OPCML: variants seen among roughly 807,000 people sequenced by gnomAD.
OPCML encodes opioid-binding protein/cell adhesion molecule.
Under a neutral mutation model 37.8 loss-of-function variants are expected in OPCML, and 13 were observed. The observed-to-expected ratio is 0.34, with a 90% CI of 0.22 to 0.55. The LOEUF (loss-of-function observed/expected upper bound fraction) is 0.55. Ranked by LOEUF, OPCML falls within the 20% of genes least tolerant of loss-of-function variation. The probability of loss-of-function intolerance (pLI) is 0.91; values close to 1 mark genes in which losing one functional copy is unlikely to be tolerated. For synonymous variants in OPCML, 176 were observed against 168.8 expected (o/e 1.04, Z -0.33); for missense variants, 341 against 435.6 (o/e 0.78, Z 1.93).
rs1947759331 is a variant in OPCML at position 133,035,391 on chromosome 11, A to G, written c.62-92381T>C. Among the ~76,000 whole-genome samples, 3 of 152,224 alleles carry G rather than the reference A, an allele frequency of 2.0e-5. No individual in the cohort carries two copies. The South Asian group carries it at 6.2e-4, about 32-fold the overall frequency. On this transcript the variant is annotated intron_variant, in intron 1 of 7. Transcript: ENST00000524381. ...TGCAGAGAAAGAGAAAATGGGACCTACAGGCACAGGCAGCACCTCCAAGCT... is the reference window on the plus strand; with the variant it reads ...TGCAGAGAAAGAGAAAATGGGACCTGCAGGCACAGGCAGCACCTCCAAGCT...
intron 2 of OPCML, among the ~76,000 whole-genome samples, chr11:132,873,485 T>G (rs932562757): frequency 1.3e-5 from 2 of 152,024 alleles, no homozygotes; most frequent in African/African-American, 4.8e-5. Flanking sequence ...TCCACCCTTG[T>G]TATTTGGGAT....
At chr11:133,056,219 C>T (rs927172715) in intron 1 of OPCML, among the ~76,000 whole-genome samples, 1 of 152,148 alleles carries the variant, frequency 6.6e-6, no homozygotes, top group African/African-American at 2.4e-5. Flanking sequence ...AAAAGTCATC[C>T]GTGGTCATTC....
At chr11:132,648,904 T>G (rs1941292573) in intron 3 of OPCML, among the ~76,000 whole-genome samples, 1 of 152,164 alleles carries the variant, frequency 6.6e-6, no homozygotes, top group Admixed American at 6.5e-5. Flanking sequence ...TTTTTATAAT[T>G]AAATAGACTA....
At chr11:133,375,950 A>G (rs1411266464) in intron 1 of OPCML, among the ~76,000 whole-genome samples, 1 of 152,210 alleles carries the variant, frequency 6.6e-6, no homozygotes, top group East Asian at 1.9e-4. Context: ...AAGTTTGAAG[A>G]TGATATTTTG....
chr11:132,738,716 C>G (rs1196816661), intron 2 of OPCML, among the ~76,000 whole-genome samples: 1 of 152,160 alleles, frequency 6.6e-6, no homozygotes, highest in Non-Finnish European at 1.5e-5. Flanking sequence ...TTTGAAAACA[C>G]AAGACTCATC....
intron 3 of OPCML, among the ~76,000 whole-genome samples, chr11:132,530,268 T>G (rs1320092337): frequency 6.6e-6 from 1 of 151,986 alleles, no homozygotes; most frequent in African/African-American, 2.4e-5. Flanking sequence ...AAATGACACT[T>G]GGTCTTACTC....
At chr11:133,005,119 A>G in intron 1 of OPCML, 1 of 985,310 alleles carries the variant, frequency 1.0e-6, no homozygotes, top group Non-Finnish European at 1.2e-6. Context: ...AATGAAATCC[A>G]AACTTAGAAT....
rs200568606 is a variant in OPCML at position 132,970,638 on chromosome 11, CA to C, written c.62-27629del. Among the ~76,000 whole-genome samples, 1,026 of 152,010 alleles carry C rather than the reference CA, an allele frequency of 6.7e-3. 6 individuals carry two copies. Among genetic ancestry groups the C allele is most frequent in the Middle Eastern group, 0.027 (8 of 294 alleles). ...TTTATTTTTAATAAAGTCATTTTTC[CA>C]TAAATGTCACATAAACCCTCATTTC... is the stretch of plus-strand genomic sequence containing the variant. On this transcript the variant is annotated intron_variant, in intron 1 of 7. Transcript: ENST00000524381.
intron 1 of OPCML, among the ~76,000 whole-genome samples, chr11:133,194,017 C>T (rs1268318975): frequency 6.6e-6 from 1 of 152,244 alleles, no homozygotes; most frequent in East Asian, 1.9e-4. Flanking sequence ...GATTCAGCAA[C>T]AGGCTCTGTC....
intron 2 of OPCML, among the ~76,000 whole-genome samples, chr11:132,829,542 C>G (rs1436782605): frequency 6.6e-6 from 1 of 152,170 alleles, no homozygotes; most frequent in Non-Finnish European, 1.5e-5. Context: ...CTGACTTCTC[C>G]TCTTGACTCA....
chr11:133,008,810 G>A, intron 1 of OPCML: 1 of 784,342 alleles, frequency 1.3e-6, no homozygotes, highest in Non-Finnish European at 1.5e-6. Context: ...CTTCCTGACA[G>A]TACTCCCTAA....
At chr11:133,272,771 C>T (rs916806471) in intron 1 of OPCML, among the ~76,000 whole-genome samples, 2 of 152,194 alleles carry the variant, frequency 1.3e-5, no homozygotes, top group Non-Finnish European at 2.9e-5. Flanking sequence ...AGCTTCAATG[C>T]ATTTCTTGTT....
chr11:133,045,085 C>T (rs1025585035), intron 1 of OPCML, among the ~76,000 whole-genome samples: 1 of 152,186 alleles, frequency 6.6e-6, no homozygotes, highest in African/African-American at 2.4e-5. Context: ...AATCCCCAGT[C>T]GAAGAAGCCC....
chr11:132,423,577 G>C (rs979862881), intron 7 of OPCML, among the ~76,000 whole-genome samples: 1 of 152,160 alleles, frequency 6.6e-6, no homozygotes, highest in African/African-American at 2.4e-5. Context: ...TTCTTTAATT[G>C]CATCTTTGCA....
At chr11:132,878,736 C>A (rs1037681146) in intron 2 of OPCML, among the ~76,000 whole-genome samples, 2 of 150,260 alleles carry the variant, frequency 1.3e-5, no homozygotes, top group Non-Finnish European at 3.0e-5. Context: ...TCTATCTAAT[C>A]TTTCTATTGA....
In OPCML at chr11:132,652,391, G is replaced by C. The variant is rs536920070; in HGVS notation, c.379+4696C>G. Among the ~76,000 whole-genome samples the C allele has an allele frequency of 6.0e-4, 78 of 129,406 alleles. No individual in the cohort carries two copies. The South Asian group carries it at 0.017, about 29-fold the overall frequency. The allele number at this position is 129,406 out of a possible 152,430, so 84.9% of individuals were successfully genotyped here. A position where few individuals can be genotyped will look rare whatever the true frequency, so the allele number is the denominator to read the frequency against. On this transcript the variant is annotated intron_variant, in intron 3 of 7. Transcript: ENST00000524381. Reference sequence around the variant, plus strand: ...ACACACACACACACACACACAGAGAGAGAAATCCTGAAAATGTTCCATTGA... The same window carrying C: ...ACACACACACACACACACACAGAGACAGAAATCCTGAAAATGTTCCATTGA...
chr11:132,555,449 T>C (rs918544122), intron 3 of OPCML, among the ~76,000 whole-genome samples: 2 of 152,002 alleles, frequency 1.3e-5, no homozygotes, highest in Non-Finnish European at 2.9e-5. Flanking sequence ...ACAAAAACAA[T>C]ATGGGAGAAA....
chr11:133,095,259 G>A (rs1190736331), intron 1 of OPCML, among the ~76,000 whole-genome samples: 4 of 131,284 alleles, frequency 3.0e-5, no homozygotes, highest in Admixed American at 7.9e-5. Context: ...CTGAGACTAA[G>A]ATGATTTTAA....
At chr11:132,861,660 C>A (rs1942305854) in intron 2 of OPCML, among the ~76,000 whole-genome samples, 1 of 151,924 alleles carries the variant, frequency 6.6e-6, no homozygotes, top group South Asian at 2.1e-4. Context: ...CACGGTGAAA[C>A]CCTGTCTCTA....
Sources: allele counts gnomAD v4.1 joint callset (sites outside exome capture counted in the v4.1 genomes callset), GRCh38; gene constraint gnomAD v4.1.1; transcripts MANE v1.5; gene names NCBI Gene and HGNC (gene_info 2026-07-23, HGNC 2026-07-21).